The following FAM193A variants were observed in gnomAD, a reference collection of about 807,000 sequenced individuals.
FAM193A encodes family with sequence similarity 193 member A.
FAM193A carries 22 observed loss-of-function variants against 126.5 expected under a neutral mutation model. The observed-to-expected ratio is 0.17, with a 90% CI of 0.12 to 0.25. FAM193A has a LOEUF of 0.25. Ranked by LOEUF, FAM193A falls within the 10% of genes least tolerant of loss-of-function variation. The pLI is 1.00. For synonymous variants in FAM193A, 761 were observed against 646.8 expected (o/e 1.18, Z -2.68); for missense variants, 1,675 against 1,672.8 (o/e 1.00, Z -0.02).
intron 5 of FAM193A, among the ~76,000 whole-genome samples, chr4:2,638,533 C>T (rs1744310668): frequency 6.6e-6 from 1 of 152,152 alleles, no homozygotes; most frequent in Admixed American, 6.5e-5. Flanking sequence ...AGGAAAAGTA[C>T]TGGAAATGTT....
At chr4:2,669,896 G>A (rs897892479) in intron 12 of FAM193A, among the ~76,000 whole-genome samples, 2 of 152,194 alleles carry the variant, frequency 1.3e-5, no homozygotes, top group Non-Finnish European at 2.9e-5. Flanking sequence ...GAAGCCTTAG[G>A]TGGTCATTGT....
At position 2,542,727 on chromosome 4, in the gene FAM193A, GCAAGCA is replaced by G. The variant is rs572020621; in HGVS notation, c.255+5558_255+5563del. Among the ~76,000 whole-genome samples the G allele has an allele frequency of 2.8e-3, 427 of 152,232 alleles. 1 individual carries two copies. The highest frequency in any genetic ancestry group is 7.7e-3 in the African/African-American group (321 of 41,548). On this transcript the variant is annotated intron_variant, in intron 1 of 20. Transcript: ENST00000637812. ...TCCCAGGGAGGCTTTCTGAGTCCTG[GCAAGCA>G]GCCTCTACACTCCGTAGTCACCAGG...
chr4:2,608,222 A>C, intron 2 of FAM193A: 2 of 1,129,444 alleles, frequency 1.8e-6, no homozygotes, highest in South Asian at 2.9e-5. Flanking sequence ...GGTCTCGCCC[A>C]GTATGGAGTG....
intron 19 of FAM193A, among the ~76,000 whole-genome samples, chr4:2,713,422 T>A (rs879941255): frequency 2.6e-5 from 4 of 152,030 alleles, no homozygotes; most frequent in Admixed American, 2.0e-4. Context: ...AAAAAAAAAT[T>A]GGGGTATTAG....
chr4:2,602,684 G>A (rs1393327971), intron 2 of FAM193A, among the ~76,000 whole-genome samples: 1 of 151,746 alleles, frequency 6.6e-6, no homozygotes. Flanking sequence ...GTTTTGTGAC[G>A]GAATCTCGCT....
rs910774862 is a variant in FAM193A at position 2,732,497 on chromosome 4, C to CT, written c.*635dup. Reference sequence around the variant, plus strand: ...ATTAACACGGAGGCCTGCCTGGCTACTTTTTTAACATATTGTTAAGTAATA... The same window carrying CT: ...ATTAACACGGAGGCCTGCCTGGCTACTTTTTTTAACATATTGTTAAGTAATA... On this transcript the variant is annotated 3_prime_UTR_variant, in exon 21 of 21. Coordinates refer to ENST00000637812, the MANE Select transcript of FAM193A (RefSeq NM_001366318.2). 1 of 152,802 alleles carries CT rather than the reference C, an allele frequency of 6.5e-6. No homozygotes were observed. The highest frequency in any genetic ancestry group is 1.9e-4 in the East Asian group (1 of 5,202). 9.5% of individuals were successfully genotyped at this position (152,802 alleles called of 1,614,324 possible). A position where few individuals can be genotyped will look rare whatever the true frequency, so the allele number is the denominator to read the frequency against.
At chr4:2,649,506 CTACAAAAA>C (rs1745461929) in intron 7 of FAM193A, among the ~76,000 whole-genome samples, 1 of 151,738 alleles carries the variant, frequency 6.6e-6, no homozygotes, top group East Asian at 1.9e-4. Context: ...GACCTTGTCT[CTACAAAAA>C]TACAAAAATT....
At position 2,657,862 on chromosome 4, in the gene FAM193A, A is replaced by T; in HGVS notation, c.1371A>T (p.Arg457Ser). The change falls in exon 8 of 21, where the codon AGA (arginine) becomes AGT (serine). Residue 457 changes from arginine (R) to serine (S), a missense_variant. Around this residue, in one of 4 missense-constraint regions of FAM193A, gnomAD observed 1,186 missense variants for 1,109.2 expected, o/e 1.07. Coordinates refer to ENST00000637812, the MANE Select transcript of FAM193A (RefSeq NM_001366318.2). ...AAGACTGGGAGCTTTTTAAACAAAG[A>T]AGATTCATTGAAGAACAGGTAAGCT... The part of the protein sequence containing the change: ...LTEDWELFKQ[R>S]RFIEEQLTNK... 1 of 1,611,634 alleles carries T rather than the reference A, an allele frequency of 6.2e-7. No homozygotes were observed. Among genetic ancestry groups the T allele is most frequent in the Non-Finnish European group, 8.5e-7 (1 of 1,178,494 alleles).
chr4:2,648,995 T>A (rs1745405690), intron 7 of FAM193A, among the ~76,000 whole-genome samples: 1 of 152,194 alleles, frequency 6.6e-6, no homozygotes, highest in African/African-American at 2.4e-5. Flanking sequence ...CCTCCCTACC[T>A]GCAAAATGAG....
intron 1 of FAM193A, among the ~76,000 whole-genome samples, chr4:2,574,381 T>C (rs1328951146): frequency 6.6e-6 from 1 of 152,214 alleles, no homozygotes; most frequent in Non-Finnish European, 1.5e-5. Flanking sequence ...CCAGGCGTCC[T>C]GTGCTCTCGT....
intron 1 of FAM193A, among the ~76,000 whole-genome samples, chr4:2,553,052 T>A (rs1239378432): frequency 1.3e-5 from 2 of 151,986 alleles, no homozygotes; most frequent in Admixed American, 1.3e-4. Flanking sequence ...TTTGCCATGT[T>A]GGTCAGGCTG....
At chr4:2,565,998 G>A (rs985281531) in intron 1 of FAM193A, among the ~76,000 whole-genome samples, 16 of 151,954 alleles carry the variant, frequency 1.1e-4, no homozygotes, top group Admixed American at 3.3e-4. Context: ...AAAGAAACAC[G>A]TAATCTGTCC....
At chr4:2,696,168 A>G (rs1485488906) in intron 17 of FAM193A, 195 bp from the exon 18 acceptor site, 5 of 523,942 alleles carry the variant, frequency 9.5e-6, no homozygotes, top group Non-Finnish European at 1.7e-5. Context: ...ATTTGAGAGT[A>G]GGTATCAAAA....
chr4:2,679,290 T>C (rs193093743), intron 13 of FAM193A, among the ~76,000 whole-genome samples: 30 of 152,236 alleles, frequency 2.0e-4, no homozygotes, highest in Non-Finnish European at 4.0e-4. Context: ...AATCTTTTAA[T>C]ATGCTGCTGA....
At chr4:2,712,672 T>G (rs1201953292) in intron 19 of FAM193A, among the ~76,000 whole-genome samples, 2 of 152,232 alleles carry the variant, frequency 1.3e-5, no homozygotes, top group Non-Finnish European at 2.9e-5. Context: ...GTTAAGCCCA[T>G]TCACACTTAG....
chr4:2,709,370 A>G (rs1173024417), intron 19 of FAM193A, among the ~76,000 whole-genome samples: 1 of 152,112 alleles, frequency 6.6e-6, no homozygotes, highest in Non-Finnish European at 1.5e-5. Flanking sequence ...TTCTGTCTGT[A>G]TTAGCTTTGA....
At chr4:2,562,019 T>G (rs1738646032) in intron 1 of FAM193A, among the ~76,000 whole-genome samples, 1 of 152,210 alleles carries the variant, frequency 6.6e-6, no homozygotes, top group Non-Finnish European at 1.5e-5. Context: ...TGTCTAAAGA[T>G]CTCAGGTCAT....
chr4:2,677,558 A>G (rs1577187942), intron 13 of FAM193A, among the ~76,000 whole-genome samples: 1 of 152,004 alleles, frequency 6.6e-6, no homozygotes, highest in Non-Finnish European at 1.5e-5. Context: ...TGGCTAATAC[A>G]GTGAAACCCT....
chr4:2,581,580 G>A (rs1343355668), intron 1 of FAM193A, among the ~76,000 whole-genome samples: 1 of 151,420 alleles, frequency 6.6e-6, no homozygotes, highest in Admixed American at 6.6e-5. Flanking sequence ...ATTTTATGTG[G>A]GTTAGGTATG....
Sources: allele counts gnomAD v4.1 joint callset (sites outside exome capture counted in the v4.1 genomes callset), GRCh38; gene constraint gnomAD v4.1.1; regional missense constraint gnomAD v4.1.1; transcripts MANE v1.5; gene names NCBI Gene and HGNC (gene_info 2026-07-23, HGNC 2026-07-21).